Variants in NEGR1 observed in about 807,000 individuals in gnomAD.
NEGR1 encodes the protein neuronal growth regulator 1.
Under a neutral mutation model 40.9 loss-of-function variants are expected in NEGR1, and 10 were observed. The observed-to-expected ratio is 0.24, with a 90% confidence interval of 0.15 to 0.42. The LOEUF (loss-of-function observed/expected upper bound fraction) is 0.42, where lower values mean the gene tolerates loss of function less well. NEGR1 is among the 10% of genes least tolerant of loss of function. The probability of loss-of-function intolerance (pLI) is 1.00; values close to 1 mark genes in which losing one functional copy is unlikely to be tolerated. For synonymous variants in NEGR1, 185 were observed against 166.8 expected (o/e 1.11, Z -0.84); for missense variants, 352 against 438.9 (o/e 0.80, Z 1.77).
chr1:71,723,825 G>A (rs889355147), intron 3 of NEGR1, among the ~76,000 whole-genome samples: 4 of 152,102 alleles, frequency 2.6e-5, no homozygotes, highest in African/African-American at 9.7e-5. Context: ...TAATTGGTGT[G>A]TAAAGTGGGG....
At chr1:71,528,825 T>G (rs1647277767) in intron 6 of NEGR1, among the ~76,000 whole-genome samples, 1 of 151,244 alleles carries the variant, frequency 6.6e-6, no homozygotes, top group Non-Finnish European at 1.5e-5. Context: ...TTCCCTTGAC[T>G]GTCAACGGGA....
intron 6 of NEGR1, among the ~76,000 whole-genome samples, chr1:71,534,364 G>A (rs1265572845): frequency 6.6e-6 from 1 of 151,544 alleles, no homozygotes; most frequent in Non-Finnish European, 1.5e-5. Flanking sequence ...TGGGTATGTG[G>A]GAGACTAAAG....
At chr1:72,182,433 C>T (rs1336601465) in intron 1 of NEGR1, among the ~76,000 whole-genome samples, 3 of 152,004 alleles carry the variant, frequency 2.0e-5, no homozygotes, top group African/African-American at 7.2e-5. Flanking sequence ...GTGGAGGTTG[C>T]AGTGAGCCAA....
At chr1:72,038,936 A>T (rs566056278) in intron 1 of NEGR1, among the ~76,000 whole-genome samples, 1 of 152,168 alleles carries the variant, frequency 6.6e-6, no homozygotes, top group Admixed American at 6.6e-5. Context: ...GTGATAAATT[A>T]TCTAATATGA....
chr1:71,425,801 A>C (rs1233829960), intron 6 of NEGR1, among the ~76,000 whole-genome samples: 1 of 152,210 alleles, frequency 6.6e-6, no homozygotes, highest in African/African-American at 2.4e-5. Flanking sequence ...AAATTTGGAC[A>C]AACGTAATTT....
intron 2 of NEGR1, among the ~76,000 whole-genome samples, chr1:71,882,746 T>G (rs1481492870): frequency 6.9e-6 from 1 of 144,454 alleles, no homozygotes. Context: ...AAAAAAAGCA[T>G]GTTGAGGTCT....
At chr1:71,804,420 C>G (rs1231518127) in intron 2 of NEGR1, among the ~76,000 whole-genome samples, 2 of 150,836 alleles carry the variant, frequency 1.3e-5, no homozygotes, top group Non-Finnish European at 3.0e-5. Flanking sequence ...TACGTAGACA[C>G]CAGCCAGTTT....
At chr1:71,412,036 A>G (rs929203066) in intron 6 of NEGR1, among the ~76,000 whole-genome samples, 1 of 152,018 alleles carries the variant, frequency 6.6e-6, no homozygotes, top group African/African-American at 2.4e-5. Flanking sequence ...GCTCACCTTC[A>G]AGTATTCCCC....
chr1:71,804,797 T>C (rs1202741234), intron 2 of NEGR1, among the ~76,000 whole-genome samples: 1 of 152,172 alleles, frequency 6.6e-6, no homozygotes, highest in Non-Finnish European at 1.5e-5. Flanking sequence ...TTGAACAATA[T>C]GAAATCTGGG....
At chr1:72,073,361 C>T (rs1214584629) in intron 1 of NEGR1, among the ~76,000 whole-genome samples, 1 of 152,036 alleles carries the variant, frequency 6.6e-6, no homozygotes, top group East Asian at 1.9e-4. Context: ...TAAAAATGAT[C>T]TAGGTAATGC....
intron 1 of NEGR1, among the ~76,000 whole-genome samples, chr1:71,964,897 G>A (rs1300809605): frequency 6.6e-6 from 1 of 151,820 alleles, no homozygotes; most frequent in Non-Finnish European, 1.5e-5. Context: ...TGTTCAACTT[G>A]AGGAAACACT....
rs114818944 is a variant in NEGR1, at chr1:71,997,304, A to G, written c.177-61993T>C. On this transcript the variant is annotated intron_variant, in intron 1 of 6. Coordinates refer to ENST00000357731, the MANE Select transcript of NEGR1 (RefSeq NM_173808.3). ...ATTTACTTTCCCAAGTTTAAATTCC[A>G]CTACTATCTCCTCATTATTCTTCCT... 2.9e-3 allele frequency among the ~76,000 whole-genome samples: 436 copies of G among 152,148 alleles called. 1 individual carries two copies. The highest frequency in any genetic ancestry group is 0.01 in the African/African-American group (417 of 41,566).
intron 2 of NEGR1, among the ~76,000 whole-genome samples, chr1:71,847,344 GATA>G (rs1659453354): frequency 6.6e-6 from 1 of 152,118 alleles, no homozygotes; most frequent in Non-Finnish European, 1.5e-5. Context: ...GCACTTTACA[GATA>G]ATGCATTTGT....
At chr1:71,787,572 T>C (rs972015536) in intron 2 of NEGR1, among the ~76,000 whole-genome samples, 2 of 152,092 alleles carry the variant, frequency 1.3e-5, no homozygotes, top group Admixed American at 6.6e-5. Context: ...TTTTTTTTTG[T>C]AGCTTACAAT....
rs190117471 is a variant in NEGR1, at chr1:72,096,643, T to C, written c.177-161332A>G. Among the ~76,000 whole-genome samples, 944 of 148,586 alleles carry C rather than the reference T, an allele frequency of 6.4e-3. 10 individuals are homozygous for C. Among genetic ancestry groups the C allele is most frequent in the African/African-American group, 0.022 (899 of 40,568 alleles). ...TCCAGATTTTCTTGTAGTTGTATCT[T>C]TTACTTTTATTTTATTTTATTTTAT... On this transcript the variant is annotated intron_variant, in intron 1 of 6. Transcript: ENST00000357731.
intron 3 of NEGR1, among the ~76,000 whole-genome samples, chr1:71,756,410 A>C (rs1395916023): frequency 9.6e-6 from 1 of 103,978 alleles, no homozygotes; most frequent in African/African-American, 5.3e-5. Flanking sequence ...ACAAAAACAA[A>C]CAAAAAAAAA....
rs115134081 is a variant in NEGR1, at chr1:71,937,488, G to A, written c.177-2177C>T. Among the ~76,000 whole-genome samples the A allele has an allele frequency of 5.4e-3, 814 of 152,134 alleles. 8 individuals are homozygous for A. The highest frequency in any genetic ancestry group is 8.3e-3 in the Non-Finnish European group (566 of 68,000). On this transcript the variant is annotated intron_variant, in intron 1 of 6. Transcript: ENST00000357731. ...TGGCCTTCGTATGTTTTTCTATTGC[G>A]TGTTCATAACAACTCTTTCAGGGTA...
intron 1 of NEGR1, among the ~76,000 whole-genome samples, chr1:71,956,835 A>G (rs1475195422): frequency 6.6e-6 from 1 of 152,086 alleles, no homozygotes; most frequent in Non-Finnish European, 1.5e-5. Context: ...TCTGCCACCA[A>G]CTAACTGCTA....
intron 1 of NEGR1, among the ~76,000 whole-genome samples, chr1:72,138,861 C>T (rs1650567726): frequency 6.6e-6 from 1 of 151,906 alleles, no homozygotes; most frequent in Non-Finnish European, 1.5e-5. Flanking sequence ...TATAATTTCA[C>T]ATTTATAGAA....
Sources: allele counts gnomAD v4.1 joint callset (sites outside exome capture counted in the v4.1 genomes callset), GRCh38; gene constraint gnomAD v4.1.1; transcripts MANE v1.5; gene names NCBI Gene and HGNC (gene_info 2026-07-23, HGNC 2026-07-21).